The following TAS2R1 variants were observed in gnomAD, a reference collection of about 807,000 sequenced individuals.
TAS2R1 encodes taste receptor type 2 member 1.
For missense variants in TAS2R1, 370 were observed against 353.4 expected (o/e 1.05, Z -0.38); for synonymous variants, 141 against 134.2 (o/e 1.05, Z -0.35).
At chr5:9,678,757 A>G (rs978196686) in intron 1 of TAS2R1, among the ~76,000 whole-genome samples, 14 of 152,222 alleles carry the variant, frequency 9.2e-5, no homozygotes, top group African/African-American at 3.1e-4. Flanking sequence ...CATGGTGGGG[A>G]ACAACACACA....
intron 2 of TAS2R1, among the ~76,000 whole-genome samples, chr5:9,637,020 C>T (rs1739976804): frequency 6.6e-6 from 1 of 151,698 alleles, no homozygotes; most frequent in African/African-American, 2.4e-5. Context: ...ATTTTATAGG[C>T]CCTGTGAGAT....
chr5:9,783,144 C>T, the TAS2R1 span, among the ~76,000 whole-genome samples: 1 of 152,186 alleles, frequency 6.6e-6, no homozygotes, highest in Admixed American at 6.5e-5. Flanking sequence ...ACTTCATTAA[C>T]TTTTAAATCC....
At chr5:9,822,790 C>G in the TAS2R1 span, among the ~76,000 whole-genome samples, 2 of 151,892 alleles carry the variant, frequency 1.3e-5, no homozygotes, top group African/African-American at 4.8e-5. Context: ...AATGGATAAT[C>G]TGTGATTTTT....
chr5:9,861,510 A>G, the TAS2R1 span, among the ~76,000 whole-genome samples: 1 of 152,206 alleles, frequency 6.6e-6, no homozygotes, highest in South Asian at 2.1e-4. Flanking sequence ...GAGTGTTGGA[A>G]GAAATTGAGT....
chr5:9,779,085 T>C, the TAS2R1 span, among the ~76,000 whole-genome samples: 10 of 152,234 alleles, frequency 6.6e-5, no homozygotes, highest in Admixed American at 3.9e-4. Context: ...GAGAGGTGTT[T>C]GGGCCATGGT....
the TAS2R1 span, among the ~76,000 whole-genome samples, chr5:9,771,104 AG>A: frequency 6.6e-6 from 1 of 152,274 alleles, no homozygotes; most frequent in East Asian, 1.9e-4. Flanking sequence ...TTTATCATGA[AG>A]GGATGTTTAA....
the TAS2R1 span, among the ~76,000 whole-genome samples, chr5:9,821,005 G>T: frequency 1.3e-5 from 2 of 152,202 alleles, no homozygotes; most frequent in Admixed American, 6.5e-5. Context: ...GATGCCAGCA[G>T]AATGTTGGTG....
At chr5:9,851,887 G>A in the TAS2R1 span, among the ~76,000 whole-genome samples, 2 of 152,200 alleles carry the variant, frequency 1.3e-5, no homozygotes, top group East Asian at 1.9e-4. Flanking sequence ...TATCCAGTCT[G>A]TTTATTGTCT....
At chr5:9,702,667 T>C (rs1249631652) in intron 1 of TAS2R1, among the ~76,000 whole-genome samples, 1 of 152,156 alleles carries the variant, frequency 6.6e-6, no homozygotes, top group East Asian at 1.9e-4. Flanking sequence ...AGTTAAGTGA[T>C]ACAAATTGTT....
chr5:9,628,817 T>C lies in TAS2R1; in HGVS notation c.*316A>G, dbSNP rs975390904. 1.3e-5 allele frequency among the ~76,000 whole-genome samples: 2 copies of C among 152,208 alleles called. No individual in the cohort carries two copies. Among genetic ancestry groups the C allele is most frequent in the Non-Finnish European group, 2.9e-5 (2 of 68,034 alleles). ...AAATAATTGTAGATTTGAATGCATTTGTAAGAAGGAATACAGAAAGACCCT... is the reference window on the plus strand; with the variant it reads ...AAATAATTGTAGATTTGAATGCATTCGTAAGAAGGAATACAGAAAGACCCT... On this transcript the variant is annotated 3_prime_UTR_variant, in exon 1 of 1. Transcript: ENST00000382492.
the TAS2R1 span, among the ~76,000 whole-genome samples, chr5:9,717,386 C>T: frequency 6.6e-6 from 1 of 151,586 alleles, no homozygotes; most frequent in Non-Finnish European, 1.5e-5. Flanking sequence ...GTGGAGAGAC[C>T]CCTTGCTCTT....
chr5:9,787,023 G>A, the TAS2R1 span, among the ~76,000 whole-genome samples: 1 of 152,226 alleles, frequency 6.6e-6, no homozygotes, highest in Non-Finnish European at 1.5e-5. Flanking sequence ...AACTTCAGTG[G>A]ACTCACTGCA....
the TAS2R1 span, among the ~76,000 whole-genome samples, chr5:9,789,193 T>C: frequency 1.4e-4 from 22 of 152,184 alleles, no homozygotes; most frequent in Non-Finnish European, 2.9e-5. Context: ...AGGTATTTGA[T>C]ACAAAGCATC....
chr5:9,711,350 C>T (rs1334726121), intron 1 of TAS2R1, among the ~76,000 whole-genome samples: 1 of 152,146 alleles, frequency 6.6e-6, no homozygotes, highest in Non-Finnish European at 1.5e-5. Flanking sequence ...GAACTGAATC[C>T]TGTAATATGC....
At chr5:9,638,642 T>A (rs967746734) in intron 2 of TAS2R1, among the ~76,000 whole-genome samples, 1 of 151,936 alleles carries the variant, frequency 6.6e-6, no homozygotes, top group Non-Finnish European at 1.5e-5. Flanking sequence ...GCCAGGGTAA[T>A]TATTTTGGTT....
chr5:9,869,779 G>A, the TAS2R1 span, among the ~76,000 whole-genome samples: 1 of 152,180 alleles, frequency 6.6e-6, no homozygotes, highest in Non-Finnish European at 1.5e-5. Context: ...TTTGCTAATT[G>A]TGGTTGGTAT....
At chr5:9,776,111 G>A in the TAS2R1 span, among the ~76,000 whole-genome samples, 32 of 152,262 alleles carry the variant, frequency 2.1e-4, no homozygotes, top group African/African-American at 5.5e-4. Context: ...GTTGGAACTC[G>A]GGTTCTCACC....
chr5:9,874,154 T>A, the TAS2R1 span, among the ~76,000 whole-genome samples: 1 of 152,352 alleles, frequency 6.6e-6, no homozygotes, highest in East Asian at 1.9e-4. Context: ...AATTTTATAA[T>A]GCATTTTCTC....
chr5:9,792,946 A>G, the TAS2R1 span, among the ~76,000 whole-genome samples: 1 of 152,192 alleles, frequency 6.6e-6, no homozygotes, highest in Non-Finnish European at 1.5e-5. Context: ...CCCACAATTA[A>G]AAGCAAAAAT....
Sources: gnomAD v4.1 joint callset for allele counts (sites outside exome capture counted in the v4.1 genomes callset) on GRCh38, gnomAD v4.1.1 for gene constraint, MANE v1.5 for transcripts, NCBI Gene and HGNC (gene_info 2026-07-23, HGNC 2026-07-21) for gene names.